The following FHIT variants were observed in gnomAD, a reference collection of about 807,000 sequenced individuals.
FHIT encodes the protein bis(5'-adenosyl)-triphosphatase.
In FHIT, 19 loss-of-function variants were observed where a neutral mutation model predicts 17.9. The observed-to-expected ratio is 1.06, with a 90% CI of 0.74 to 1.56. The LOEUF (loss-of-function observed/expected upper bound fraction) is 1.56. Among genes scored for constraint, FHIT ranks in the 40% most tolerant of loss-of-function variants. FHIT has a pLI of 0.00. For missense variants in FHIT, 248 were observed against 189.2 expected, an observed-to-expected ratio of 1.31 and a Z score of -1.82; for synonymous variants, 81 against 69.7, an observed-to-expected ratio of 1.16 and a Z score of -0.81.
chr3:60,843,378 A>G (rs1284085336), intron 3 of FHIT, among the ~76,000 whole-genome samples: 1 of 152,214 alleles, frequency 6.6e-6, no homozygotes, highest in African/African-American at 2.4e-5. Flanking sequence ...AAAAATGCTA[A>G]ATAAAAACAC....
chr3:61,189,396 AAGGAG>A (rs1390456444), intron 2 of FHIT, among the ~76,000 whole-genome samples: 2 of 152,196 alleles, frequency 1.3e-5, no homozygotes, highest in Non-Finnish European at 2.9e-5. Context: ...GGACCTCTTG[AAGGAG>A]AACTACAAAC....
At chr3:60,456,405 C>T (rs1340736371) in intron 5 of FHIT, among the ~76,000 whole-genome samples, 1 of 152,182 alleles carries the variant, frequency 6.6e-6, no homozygotes, top group Non-Finnish European at 1.5e-5. Context: ...TTCATGCTGA[C>T]TTCAGACATA....
chr3:60,696,033 AAAGT>A (rs2041107072), intron 4 of FHIT, among the ~76,000 whole-genome samples: 1 of 152,194 alleles, frequency 6.6e-6, no homozygotes, highest in South Asian at 2.1e-4. Context: ...GTATGCAAAC[AAAGT>A]AATTCTAGCT....
chr3:60,548,433 C>G (rs1399289997), intron 4 of FHIT, among the ~76,000 whole-genome samples: 1 of 152,180 alleles, frequency 6.6e-6, no homozygotes, highest in Non-Finnish European at 1.5e-5. Flanking sequence ...TCAAAACCCA[C>G]TGGCCGAAGT....
chr3:61,019,542 A>G (rs1360582913), intron 3 of FHIT, among the ~76,000 whole-genome samples: 1 of 152,248 alleles, frequency 6.6e-6, no homozygotes, highest in African/African-American at 2.4e-5. Context: ...AACAGAGAAA[A>G]TGCTGTTTTA....
At chr3:60,852,831 C>G (rs1185723129) in intron 3 of FHIT, among the ~76,000 whole-genome samples, 1 of 151,894 alleles carries the variant, frequency 6.6e-6, no homozygotes, top group Non-Finnish European at 1.5e-5. Flanking sequence ...TAGTGAGACC[C>G]TATCCCCTAA....
chr3:60,344,904 G>C (rs371854095), intron 5 of FHIT, among the ~76,000 whole-genome samples: 6 of 152,082 alleles, frequency 3.9e-5, no homozygotes, highest in African/African-American at 1.4e-4. Flanking sequence ...CAAAGACATA[G>C]AATGATATAA....
At position 60,534,439 on chromosome 3, in the gene FHIT, CAA is replaced by C. The variant is rs563992117; in HGVS notation, c.103+2419_103+2420del. Among the ~76,000 whole-genome samples, 26 of 32,408 alleles carry C rather than the reference CAA, an allele frequency of 8.0e-4. 1 individual carries two copies. Among genetic ancestry groups the C allele is most frequent in the African/African-American group, 2.6e-3 (20 of 7,740 alleles). The allele number at this position is 32,408 out of a possible 152,430, so 21.3% of individuals were successfully genotyped here. A position where few individuals can be genotyped will look rare whatever the true frequency, so the allele number is the denominator to read the frequency against. On this transcript the variant is annotated intron_variant, in intron 5 of 9. Transcript: ENST00000492590. Reference sequence around the variant, plus strand: ...TGGGCGACAGAGCGAGACTCCGTCTCAAAAAAAAAAAAAAAAAAAAAAAAGAT... The same window carrying C: ...TGGGCGACAGAGCGAGACTCCGTCTCAAAAAAAAAAAAAAAAAAAAAAGAT...
chr3:61,066,317 T>C (rs1313165514), intron 2 of FHIT, among the ~76,000 whole-genome samples: 1 of 152,072 alleles, frequency 6.6e-6, no homozygotes, highest in Non-Finnish European at 1.5e-5. Flanking sequence ...TTCATCTTCT[T>C]AACATAGCCA....
intron 3 of FHIT, among the ~76,000 whole-genome samples, chr3:60,822,380 C>T (rs1022062037): frequency 2.0e-5 from 3 of 152,060 alleles, no homozygotes; most frequent in Non-Finnish European, 4.4e-5. Context: ...GAGGCTGACC[C>T]GTGAGTCTGG....
intron 4 of FHIT, among the ~76,000 whole-genome samples, chr3:60,618,558 T>C (rs2039021186): frequency 6.6e-6 from 1 of 152,208 alleles, no homozygotes; most frequent in Non-Finnish European, 1.5e-5. Context: ...CCTGCGTTAA[T>C]TTGCTGAGGG....
intron 4 of FHIT, among the ~76,000 whole-genome samples, chr3:60,782,382 G>T (rs968913407): frequency 2.0e-5 from 3 of 152,132 alleles, no homozygotes; most frequent in African/African-American, 7.2e-5. Context: ...ATGTAAATTT[G>T]TACAGAGCTG....
intron 2 of FHIT, among the ~76,000 whole-genome samples, chr3:61,137,946 G>A (rs538753335): frequency 5.3e-4 from 81 of 152,132 alleles, no homozygotes; most frequent in Middle Eastern, 6.8e-3. Flanking sequence ...CTCTTGCTCC[G>A]AAAGACAGTT....
intron 8 of FHIT, among the ~76,000 whole-genome samples, chr3:59,809,003 A>G (rs1380712498): frequency 1.3e-5 from 2 of 152,208 alleles, no homozygotes; most frequent in African/African-American, 4.8e-5. Flanking sequence ...GGTGGTGATC[A>G]TGGATTTCAT....
chr3:59,750,407 A>G lies in FHIT; in HGVS notation c.*6-828T>C, dbSNP rs77812630. The stretch of plus-strand genomic sequence containing the variant: ...CATTTAAATTTGAACAGGGCACTCT[A>G]AAATGACATACTGGCCTTCATAAGA... On this transcript the variant is annotated intron_variant, in intron 9 of 9. Transcript: ENST00000492590. 2.2e-3 allele frequency: 495 copies of G among 224,472 alleles called. 1 individual carries two copies. Among genetic ancestry groups the G allele is most frequent in the African/African-American group, 0.01 (469 of 44,914 alleles). The allele number at this position is 224,472 out of a possible 1,614,324, so 13.9% of individuals were successfully genotyped here.
At chr3:60,356,307 T>G (rs1383740893) in intron 5 of FHIT, among the ~76,000 whole-genome samples, 1 of 152,172 alleles carries the variant, frequency 6.6e-6, no homozygotes, top group Non-Finnish European at 1.5e-5. Flanking sequence ...AGTTCAACTG[T>G]GGTTTTTTTA....
chr3:61,124,113 C>T (rs1016744815), intron 2 of FHIT, among the ~76,000 whole-genome samples: 1 of 152,166 alleles, frequency 6.6e-6, no homozygotes, highest in African/African-American at 2.4e-5. Flanking sequence ...CGATAGGCAA[C>T]ATGGCACACA....
intron 4 of FHIT, among the ~76,000 whole-genome samples, chr3:60,729,370 C>CA (rs1469403613): frequency 6.6e-6 from 1 of 152,120 alleles, no homozygotes; most frequent in Non-Finnish European, 1.5e-5. Flanking sequence ...AAAATAAAGA[C>CA]AAAAAATGGT....
chr3:59,876,334 T>C (rs1703157731), intron 8 of FHIT, among the ~76,000 whole-genome samples: 1 of 152,218 alleles, frequency 6.6e-6, no homozygotes, highest in African/African-American at 2.4e-5. Flanking sequence ...TAAAATCTTC[T>C]AGTATGGATT....
Sources: allele counts gnomAD v4.1 joint callset (sites outside exome capture counted in the v4.1 genomes callset), GRCh38; gene constraint gnomAD v4.1.1; transcripts MANE v1.5; gene names NCBI Gene and HGNC (gene_info 2026-07-23, HGNC 2026-07-21).